AXDND1: variants seen among roughly 807,000 people sequenced by gnomAD.
AXDND1 encodes axonemal dynein light chain domain containing 1, also known as axonemal dynein light chain domain-containing protein 1.
A neutral mutation model predicts 137.5 loss-of-function variants in AXDND1; 110 were observed. The ratio of observed to expected loss-of-function variants is 0.80; its 90% CI spans 0.69 to 0.94. The LOEUF (loss-of-function observed/expected upper bound fraction) is 0.94, where lower values mean the gene tolerates loss of function less well. Ranked by LOEUF, AXDND1 falls within the 40% of genes least tolerant of loss-of-function variation. The pLI is 0.00. For synonymous variants in AXDND1, 414 were observed against 399.7 expected (o/e 1.04, Z -0.43); for missense variants, 1,191 against 1,169.8 (o/e 1.02, Z -0.26).
intron 6 of AXDND1, among the ~76,000 whole-genome samples, chr1:179,380,220 G>C (rs139679341): frequency 0.015 from 2,263 of 151,866 alleles, 33 homozygotes; most frequent in Middle Eastern, 0.065. Flanking sequence ...CTGCACTCCA[G>C]CCTGGGCGAC....
chr1:179,431,181 A>G (rs1657320971), intron 14 of AXDND1, among the ~76,000 whole-genome samples: 1 of 152,000 alleles, frequency 6.6e-6, no homozygotes, highest in Non-Finnish European at 1.5e-5. Flanking sequence ...TTATTCTGTC[A>G]CCCAAGCTGG....
intron 16 of AXDND1, among the ~76,000 whole-genome samples, chr1:179,458,528 C>T (rs984411765): frequency 6.6e-6 from 1 of 151,896 alleles, no homozygotes; most frequent in African/African-American, 2.4e-5. Context: ...ATTATTATAG[C>T]TTAGCAAAGA....
Position 179,427,877 on chromosome 1 carries a change from A to G in AXDND1, c.1231-1641A>G, listed in dbSNP as rs1439246593. Reference sequence around the variant, plus strand: ...GAACTCCCAGTTTCCATTATATACCATCTTCAGAGACAAAAGACAAACAAA... The same window carrying G: ...GAACTCCCAGTTTCCATTATATACCGTCTTCAGAGACAAAAGACAAACAAA... On this transcript the variant is annotated intron_variant, in intron 12 of 25. Transcript: ENST00000367618. Among the ~76,000 whole-genome samples the G allele has an allele frequency of 1.3e-5, 2 of 151,746 alleles. 1 individual carries two copies. The highest frequency in any genetic ancestry group is 3.9e-4 in the East Asian group (2 of 5,174).
intron 11 of AXDND1, among the ~76,000 whole-genome samples, chr1:179,403,975 T>C (rs973184977): frequency 6.6e-6 from 1 of 152,194 alleles, no homozygotes; most frequent in Non-Finnish European, 1.5e-5. Flanking sequence ...TAGTTAATTT[T>C]ATTCAACTAT....
At chr1:179,375,089 C>T (rs779070277) in intron 4 of AXDND1, among the ~76,000 whole-genome samples, 5 of 150,662 alleles carry the variant, frequency 3.3e-5, no homozygotes, top group Non-Finnish European at 7.4e-5. Flanking sequence ...TCAAAATATT[C>T]TTTATTAATA....
At chr1:179,453,902 C>T (rs545717871) in intron 16 of AXDND1, 3 of 151,954 alleles carry the variant, frequency 2.0e-5, no homozygotes, top group Non-Finnish European at 4.4e-5. Context: ...ATTTAGAATG[C>T]CTGTATTTAC....
chr1:179,516,091 T>G (rs1669509247), intron 21 of AXDND1, among the ~76,000 whole-genome samples: 2 of 152,096 alleles, frequency 1.3e-5, no homozygotes, highest in African/African-American at 4.8e-5. Flanking sequence ...CATCAATTAT[T>G]CTTAGGTTTG....
At position 179,478,299 on chromosome 1, in the gene AXDND1, G is replaced by A. The variant is rs183920644; in HGVS notation, c.1998-4829G>A. ...CACATTTCCCTTCTGCACTGCCCTA[G>A]CAGACGTTCTCCATTAGCACCCCAC... On this transcript the variant is annotated intron_variant, in intron 17 of 25. Coordinates refer to ENST00000367618, the MANE Select transcript of AXDND1 (RefSeq NM_144696.6). Among the ~76,000 whole-genome samples the A allele has an allele frequency of 1.1e-4, 16 of 152,350 alleles. No homozygotes were observed. The East Asian group carries it at 3.1e-3, about 29-fold the overall frequency.
At chr1:179,540,896 A>G (rs559316774) in intron 25 of AXDND1, among the ~76,000 whole-genome samples, 1 of 152,286 alleles carries the variant, frequency 6.6e-6, no homozygotes, top group Non-Finnish European at 1.5e-5. Flanking sequence ...ACAGAGGTGG[A>G]ATCTAGAGAG....
intron 11 of AXDND1, among the ~76,000 whole-genome samples, chr1:179,410,429 T>C (rs995152875): frequency 6.6e-6 from 1 of 152,204 alleles, no homozygotes. Context: ...GGTTTCACCA[T>C]GTTGGCCAGG....
intron 15 of AXDND1, among the ~76,000 whole-genome samples, chr1:179,437,612 G>T (rs564438600): frequency 1.6e-4 from 25 of 152,104 alleles, no homozygotes; most frequent in Non-Finnish European, 3.1e-4. Flanking sequence ...AGAATGTAAG[G>T]CCAGGCTGGG....
Position 179,551,020 on chromosome 1 carries a change from T to A in AXDND1, c.3032-3492T>A. 1.3e-5 allele frequency: 11 copies of A among 861,354 alleles called. No individual in the cohort carries two copies. In the South Asian group the frequency reaches 1.7e-4, roughly 13 times the overall value. The allele number at this position is 861,354 out of a possible 1,614,324, so 53.4% of individuals were successfully genotyped here. ...TCTGTCATTACATCATTTCACCGTC[T>A]TCTCATGGATGGTGCATTGTGACTT... On this transcript the variant is annotated intron_variant, in intron 25 of 25. Coordinates refer to ENST00000367618, the MANE Select transcript of AXDND1 (RefSeq NM_144696.6).
At chr1:179,437,019 T>C (rs1317491671) in intron 15 of AXDND1, among the ~76,000 whole-genome samples, 1 of 151,236 alleles carries the variant, frequency 6.6e-6, no homozygotes, top group African/African-American at 2.4e-5. Context: ...ATTGTAAAGC[T>C]TTGTTTCTCC....
intron 21 of AXDND1, among the ~76,000 whole-genome samples, chr1:179,516,977 T>C (rs1256926548): frequency 6.6e-6 from 1 of 152,136 alleles, no homozygotes; most frequent in East Asian, 1.9e-4. Context: ...GCTGTGATAG[T>C]ATGGAGAGGA....
chr1:179,479,149 C>G (rs1211784992), intron 17 of AXDND1, among the ~76,000 whole-genome samples: 1 of 151,932 alleles, frequency 6.6e-6, no homozygotes, highest in African/African-American at 2.4e-5. Flanking sequence ...TTAACAGCAC[C>G]CAAGTCACCC....
intron 11 of AXDND1, among the ~76,000 whole-genome samples, chr1:179,407,224 T>C (rs1475027100): frequency 6.6e-6 from 1 of 151,958 alleles, no homozygotes; most frequent in Non-Finnish European, 1.5e-5. Flanking sequence ...AGGGTTTTTT[T>C]TCTTTCTTTT....
At chr1:179,394,799 A>G (rs1024055899) in intron 10 of AXDND1, among the ~76,000 whole-genome samples, 1 of 152,140 alleles carries the variant, frequency 6.6e-6, no homozygotes. Flanking sequence ...CATATCAGAA[A>G]GCAGGGTAGA....
At chr1:179,554,450 T>G (rs1673776450) in intron 25 of AXDND1, 62 bp from the exon 26 acceptor site, 1 of 1,613,854 alleles carries the variant, frequency 6.2e-7, no homozygotes, top group African/African-American at 1.3e-5. Context: ...TATCATACAG[T>G]TCTTGCTAGT....
intron 11 of AXDND1, among the ~76,000 whole-genome samples, chr1:179,404,842 T>C (rs1302635499): frequency 6.6e-6 from 1 of 152,196 alleles, no homozygotes; most frequent in Admixed American, 6.5e-5. Context: ...TGTTTATTCT[T>C]TCTAAGTTGT....
Sources: allele counts gnomAD v4.1 joint callset (sites outside exome capture counted in the v4.1 genomes callset), GRCh38; gene constraint gnomAD v4.1.1; transcripts MANE v1.5; gene names NCBI Gene and HGNC (gene_info 2026-07-23, HGNC 2026-07-21).